Variants in BTRC observed in about 807,000 individuals in gnomAD.
BTRC encodes the protein beta-transducin repeat containing E3 ubiquitin protein ligase, also known as F-box/WD repeat-containing protein 1A.
Under a neutral mutation model 85.5 loss-of-function variants are expected in BTRC, and 42 were observed. That is an observed-to-expected ratio of 0.49 (90% CI 0.38 to 0.64). The LOEUF is 0.64. Ranked by LOEUF, BTRC falls within the 30% of genes least tolerant of loss-of-function variation. BTRC has a pLI of 0.00. For synonymous variants in BTRC, 255 were observed against 263.3 expected, an observed-to-expected ratio of 0.97 and a Z score of 0.30; for missense variants, 594 against 743.5, an observed-to-expected ratio of 0.80 and a Z score of 2.34.
chr10:101,483,984 TACCCAC>T (rs1945916077), intron 4 of BTRC, among the ~76,000 whole-genome samples: 1 of 152,246 alleles, frequency 6.6e-6, no homozygotes, highest in Admixed American at 6.5e-5. Context: ...AATTTACCCT[TACCCAC>T]ACCCACAGAT....
intron 1 of BTRC, among the ~76,000 whole-genome samples, chr10:101,421,985 C>G (rs1295461067): frequency 2.0e-5 from 3 of 151,930 alleles, no homozygotes; most frequent in Non-Finnish European, 2.9e-5. Context: ...GGGTATATAC[C>G]CAGTAATGGG....
At chr10:101,538,063 TA>T (rs913886470) in intron 12 of BTRC, among the ~76,000 whole-genome samples, 4 of 152,176 alleles carry the variant, frequency 2.6e-5, no homozygotes, top group African/African-American at 9.7e-5. Flanking sequence ...GTAATATCAT[TA>T]AAAGGTCTAA....
At chr10:101,366,113 G>T (rs1286730287) in intron 1 of BTRC, among the ~76,000 whole-genome samples, 1 of 151,986 alleles carries the variant, frequency 6.6e-6, no homozygotes, top group Non-Finnish European at 1.5e-5. Flanking sequence ...TGTATCCAAG[G>T]TTTTCATAGG....
intron 2 of BTRC, among the ~76,000 whole-genome samples, chr10:101,448,830 A>G (rs572361736): frequency 1.3e-5 from 2 of 151,868 alleles, no homozygotes; most frequent in African/African-American, 4.8e-5. Context: ...TTTTCTCCCT[A>G]TATATTACTT....
intron 4 of BTRC, among the ~76,000 whole-genome samples, chr10:101,486,096 T>C (rs985965627): frequency 6.6e-6 from 1 of 152,066 alleles, no homozygotes; most frequent in Non-Finnish European, 1.5e-5. Flanking sequence ...GAGAGGCATG[T>C]TGTTAGGAAA....
intron 13 of BTRC, among the ~76,000 whole-genome samples, chr10:101,538,891 T>C (rs1004744473): frequency 6.7e-6 from 1 of 148,840 alleles, no homozygotes; most frequent in Admixed American, 6.7e-5. Flanking sequence ...CTGCTAAAAA[T>C]AAAAAAAAAA....
intron 3 of BTRC, among the ~76,000 whole-genome samples, chr10:101,464,752 GC>G (rs2134179625): frequency 6.6e-6 from 1 of 152,274 alleles, no homozygotes; most frequent in African/African-American, 2.4e-5. Context: ...TCCTCCTGGG[GC>G]CCTCAGAGTC....
intron 1 of BTRC, among the ~76,000 whole-genome samples, chr10:101,409,449 T>C (rs1274084922): frequency 1.3e-5 from 2 of 152,250 alleles, no homozygotes; most frequent in Admixed American, 6.5e-5. Flanking sequence ...CATACAGTCA[T>C]GTGTCACTTG....
chr10:101,532,558 A>T lies in BTRC; in HGVS notation c.978+126A>T, dbSNP rs893518393. 6.2e-6 allele frequency: 8 copies of T among 1,280,460 alleles called. No homozygotes were observed. In the East Asian group the frequency reaches 1.8e-4, roughly 28 times the overall value. The allele number at this position is 1,280,460 out of a possible 1,614,324, so 79.3% of individuals were successfully genotyped here. On this transcript the variant is annotated intron_variant, in intron 8 of 14. Coordinates refer to ENST00000370187, the MANE Select transcript of BTRC (RefSeq NM_033637.4). Reference sequence around the variant, plus strand: ...TAAGTGAAGATTTTAGATTGTTTCCAGTCCCAAAGCCAAAATCATTTCCTT... The same window carrying T: ...TAAGTGAAGATTTTAGATTGTTTCCTGTCCCAAAGCCAAAATCATTTCCTT...
chr10:101,517,909 C>CTTTT lies in BTRC; in HGVS notation c.325-3712_325-3709dup, dbSNP rs142382301. On this transcript the variant is annotated intron_variant, in intron 4 of 14. Coordinates refer to ENST00000370187, the MANE Select transcript of BTRC (RefSeq NM_033637.4). ...CTTCCATGGACTGTTGAAGTAGTGT[C>CTTTT]TTTTTTTTTTTTTTTTTTTTTGAGA... 2.5e-3 allele frequency among the ~76,000 whole-genome samples: 296 copies of CTTTT among 116,114 alleles called. 4 individuals carry two copies. Among genetic ancestry groups the CTTTT allele is most frequent in the African/African-American group, 8.5e-3 (281 of 33,042 alleles). 76.2% of individuals were successfully genotyped at this position (116,114 alleles called of 152,430 possible).
intron 7 of BTRC, 48 bp downstream of exon 7, chr10:101,531,381 C>A: frequency 1.5e-6 from 2 of 1,346,112 alleles, no homozygotes; most frequent in Non-Finnish European, 1.1e-6. Context: ...ACAGAATTAT[C>A]AGCATTCTTC....
At chr10:101,372,406 C>A (rs1942663473) in intron 1 of BTRC, among the ~76,000 whole-genome samples, 1 of 150,768 alleles carries the variant, frequency 6.6e-6, no homozygotes, top group Non-Finnish European at 1.5e-5. Flanking sequence ...AGGCACACAC[C>A]ACCACGCCCG....
In BTRC at chr10:101,514,125, T is replaced by A. The variant is rs548482042; in HGVS notation, c.325-7514T>A. ...GCCTATTTAATAAAACAGGATTTTT[T>A]AAAAATTATTATTGAGTTCTAAGAG... On this transcript the variant is annotated intron_variant, in intron 4 of 14. Transcript: ENST00000370187. Among the ~76,000 whole-genome samples the A allele has an allele frequency of 3.3e-3, 503 of 152,332 alleles. 1 individual carries two copies. Among genetic ancestry groups the A allele is most frequent in the Non-Finnish European group, 4.9e-3 (331 of 68,030 alleles).
intron 4 of BTRC, among the ~76,000 whole-genome samples, chr10:101,502,493 A>G (rs539821199): frequency 2.0e-5 from 3 of 152,108 alleles, no homozygotes; most frequent in Non-Finnish European, 1.5e-5. Flanking sequence ...AAGTTTCATG[A>G]AACATTAACC....
At chr10:101,452,328 T>C (rs940890258) in intron 2 of BTRC, among the ~76,000 whole-genome samples, 2 of 152,226 alleles carry the variant, frequency 1.3e-5, no homozygotes, top group African/African-American at 4.8e-5. Context: ...TTTATATTGC[T>C]TTAACAGTGT....
chr10:101,490,803 A>G (rs1946110182), intron 4 of BTRC, among the ~76,000 whole-genome samples: 1 of 152,192 alleles, frequency 6.6e-6, no homozygotes, highest in South Asian at 2.1e-4. Flanking sequence ...TCACACCTGT[A>G]ATCCCAGCAC....
chr10:101,480,644 G>A (rs539054510), intron 4 of BTRC, among the ~76,000 whole-genome samples: 4 of 152,186 alleles, frequency 2.6e-5, no homozygotes, highest in Admixed American at 1.3e-4. Context: ...CAAAAGCAGA[G>A]TTTTTGTTTA....
intron 1 of BTRC, among the ~76,000 whole-genome samples, chr10:101,389,380 T>C (rs1943179027): frequency 6.6e-6 from 1 of 152,050 alleles, no homozygotes; most frequent in Non-Finnish European, 1.5e-5. Flanking sequence ...TTAACAGTTT[T>C]CTAGCTACTC....
At chr10:101,385,198 T>C (rs929086143) in intron 1 of BTRC, among the ~76,000 whole-genome samples, 3 of 128,808 alleles carry the variant, frequency 2.3e-5, no homozygotes, top group African/African-American at 7.8e-5. Context: ...ATCCTGTCTC[T>C]AAAAAAAAGA....
Sources: allele counts gnomAD v4.1 joint callset (sites outside exome capture counted in the v4.1 genomes callset), GRCh38; gene constraint gnomAD v4.1.1; transcripts MANE v1.5; gene names NCBI Gene and HGNC (gene_info 2026-07-23, HGNC 2026-07-21).